The following WWTR1 variants were observed in gnomAD, a reference collection of about 807,000 sequenced individuals.
WWTR1 encodes WW domain containing transcription regulator 1.
Under a neutral mutation model 40.1 loss-of-function variants are expected in WWTR1, and 13 were observed. That is an observed-to-expected ratio of 0.32 (90% confidence interval 0.21 to 0.52). The LOEUF (loss-of-function observed/expected upper bound fraction) is 0.52. WWTR1 is among the 20% of genes least tolerant of loss of function. WWTR1 has a pLI of 0.97. For missense variants in WWTR1, 436 were observed against 523.1 expected (o/e 0.83, Z 1.63); for synonymous variants, 230 against 210.1 (o/e 1.09, Z -0.82).
chr3:149,568,912 G>C (rs867385357), intron 3 of WWTR1, among the ~76,000 whole-genome samples: 4 of 152,106 alleles, frequency 2.6e-5, no homozygotes, highest in Non-Finnish European at 5.9e-5. Flanking sequence ...GACTACAGGC[G>C]CCCGCCACCA....
At chr3:149,659,364 C>T (rs1713464571), upstream of WWTR1, 1 of 87,510 alleles carries the variant, frequency 1.1e-5, no homozygotes, top group Non-Finnish European at 2.2e-5. Context: ...TGACGTCTCC[C>T]TCTTGTCCCC....
intron 2 of WWTR1, among the ~76,000 whole-genome samples, chr3:149,579,912 G>C (rs1252416366): frequency 6.6e-6 from 1 of 152,214 alleles, no homozygotes; most frequent in Non-Finnish European, 1.5e-5. Context: ...AACTGAAACA[G>C]ATTTGGATGA....
At chr3:149,616,479 G>A (rs1739977857) in intron 2 of WWTR1, among the ~76,000 whole-genome samples, 1 of 141,012 alleles carries the variant, frequency 7.1e-6, no homozygotes, top group Admixed American at 7.3e-5. Flanking sequence ...TTTCACTCTT[G>A]TTGCCCAGGC....
intron 2 of WWTR1, among the ~76,000 whole-genome samples, chr3:149,588,759 T>TA (rs1320010305): frequency 2.0e-5 from 3 of 152,112 alleles, no homozygotes; most frequent in African/African-American, 4.8e-5. Flanking sequence ...ATTTCCTGCT[T>TA]AAAAAATGAT....
At position 149,558,959 on chromosome 3, in the gene WWTR1, T is replaced by C. The variant is rs139741819; in HGVS notation, c.568+13905A>G. 1.1e-3 allele frequency among the ~76,000 whole-genome samples: 170 copies of C among 152,172 alleles called. 2 individuals are homozygous for C. Among genetic ancestry groups the C allele is most frequent in the Non-Finnish European group, 1.9e-3 (127 of 68,014 alleles). On this transcript the variant is annotated intron_variant, in intron 3 of 6. Coordinates refer to ENST00000360632, the MANE Select transcript of WWTR1 (RefSeq NM_015472.6). ...CTATTAGATAAGAGTATTGTATCAA[T>C]GTTAAATTTCCTGATTTTGATACCT...
intron 2 of WWTR1, among the ~76,000 whole-genome samples, chr3:149,620,716 G>A (rs547078280): frequency 1.3e-5 from 2 of 152,048 alleles, no homozygotes; most frequent in South Asian, 2.1e-4. Context: ...TATCTATCTA[G>A]GTCCTCAAGT....
At chr3:149,663,231 C>A (rs1006184499) in intron 2 of WWTR1, among the ~76,000 whole-genome samples, 2 of 151,740 alleles carry the variant, frequency 1.3e-5, no homozygotes, top group African/African-American at 4.8e-5. Flanking sequence ...GGGGTTTCAC[C>A]ATGTTGGCCA....
intron 2 of WWTR1, among the ~76,000 whole-genome samples, chr3:149,640,778 T>C (rs1576616148): frequency 6.6e-6 from 1 of 152,166 alleles, no homozygotes; most frequent in South Asian, 2.1e-4. Flanking sequence ...TGGCAGATAA[T>C]AAATATATTA....
chr3:149,571,116 A>C (rs931948717), intron 3 of WWTR1, among the ~76,000 whole-genome samples: 3 of 151,876 alleles, frequency 2.0e-5, no homozygotes, highest in Admixed American at 6.6e-5. Context: ...TTAAACATAC[A>C]CACACACACA....
chr3:149,585,623 C>T (rs778313901), intron 2 of WWTR1, among the ~76,000 whole-genome samples: 2 of 151,980 alleles, frequency 1.3e-5, no homozygotes, highest in Non-Finnish European at 1.5e-5. Flanking sequence ...GCCAAAGCTG[C>T]GATTCCTTTA....
chr3:149,540,380 C>T (rs911196155), intron 4 of WWTR1: 1 of 424,292 alleles, frequency 2.4e-6, no homozygotes, highest in Non-Finnish European at 4.8e-6. Context: ...CACCCCTTTT[C>T]AGAAATACTT....
intron 1 of WWTR1, among the ~76,000 whole-genome samples, chr3:149,688,004 T>C (rs1714706341): frequency 6.6e-6 from 1 of 151,208 alleles, no homozygotes; most frequent in African/African-American, 2.4e-5. Context: ...GTGGTGGACA[T>C]GGGGAGAGAC....
chr3:149,536,624 C>T (rs1417742057), intron 4 of WWTR1, among the ~76,000 whole-genome samples: 2 of 152,076 alleles, frequency 1.3e-5, no homozygotes, highest in African/African-American at 4.8e-5. Context: ...TGGCAGAAAT[C>T]CCACAGACCT....
At chr3:149,599,880 T>C (rs1365489430) in intron 2 of WWTR1, among the ~76,000 whole-genome samples, 1 of 152,192 alleles carries the variant, frequency 6.6e-6, no homozygotes, top group Non-Finnish European at 1.5e-5. Context: ...AATGGGCCCT[T>C]CATCTTCACC....
At chr3:149,587,761 A>G (rs1430642721) in intron 2 of WWTR1, among the ~76,000 whole-genome samples, 2 of 152,238 alleles carry the variant, frequency 1.3e-5, no homozygotes, top group African/African-American at 4.8e-5. Context: ...ACAAAATTGT[A>G]AATAGTAAAA....
intron 2 of WWTR1, among the ~76,000 whole-genome samples, chr3:149,664,589 CTTTT>C (rs71916474): frequency 2.1e-5 from 3 of 139,824 alleles, no homozygotes; most frequent in African/African-American, 2.6e-5. Context: ...AAGGCACTAT[CTTTT>C]TTTTTTTTTT....
chr3:149,528,112 G>T, intron 4 of WWTR1, 143 bp from the exon 5 acceptor site: 1 of 1,074,574 alleles, frequency 9.3e-7, no homozygotes, highest in Non-Finnish European at 1.3e-6. Flanking sequence ...GCAACCATTA[G>T]TATTCTTTCT....
At chr3:149,606,574 A>C (rs1006730172) in intron 2 of WWTR1, among the ~76,000 whole-genome samples, 3 of 152,152 alleles carry the variant, frequency 2.0e-5, no homozygotes, top group Admixed American at 6.5e-5. Flanking sequence ...TTATATTGAT[A>C]TAGCTTCTTT....
chr3:149,691,294 T>C (rs1209203442), intron 1 of WWTR1, among the ~76,000 whole-genome samples: 1 of 150,538 alleles, frequency 6.6e-6, no homozygotes, highest in Admixed American at 6.6e-5. Context: ...CCAAAATTAG[T>C]AGAATAAATA....
Sources: allele counts gnomAD v4.1 joint callset (sites outside exome capture counted in the v4.1 genomes callset), GRCh38; gene constraint gnomAD v4.1.1; transcripts MANE v1.5; gene names NCBI Gene and HGNC (gene_info 2026-07-23, HGNC 2026-07-21).